Variants in SASH1 observed in about 807,000 individuals in gnomAD.
The protein encoded by SASH1 is SAM and SH3 domain-containing protein 1.
SASH1 carries 44 observed loss-of-function variants against 125.2 expected under a neutral mutation model. That is an observed-to-expected ratio of 0.35 (90% CI 0.28 to 0.45). The LOEUF is 0.45. Among genes scored for constraint, SASH1 ranks in the 20% least tolerant of loss-of-function variants. The pLI is 1.00. For synonymous variants in SASH1, 639 were observed against 649.1 expected, an observed-to-expected ratio of 0.98 and a Z score of 0.24; for missense variants, 1,426 against 1,614.5, an observed-to-expected ratio of 0.88 and a Z score of 2.00.
chr6:148,245,229 G>C, the SASH1 span, among the ~76,000 whole-genome samples: 1 of 152,158 alleles, frequency 6.6e-6, no homozygotes, highest in Admixed American at 6.5e-5. Context: ...GTTCCCAAAT[G>C]ATTGTTTTCC....
At chr6:148,341,335 T>G (rs887396324), upstream of SASH1, among the ~76,000 whole-genome samples, 10 of 149,080 alleles carry the variant, frequency 6.7e-5, no homozygotes, top group African/African-American at 2.0e-4. Flanking sequence ...TTTTTGTTTT[T>G]TTTTTTTTTG....
At chr6:148,330,087 A>T (rs1780946810) in intron 1 of SASH1, among the ~76,000 whole-genome samples, 1 of 152,200 alleles carries the variant, frequency 6.6e-6, no homozygotes, top group Non-Finnish European at 1.5e-5. Flanking sequence ...GTAGTAAAAA[A>T]GGATATCGAA....
chr6:148,496,922 A>G (rs189296844), intron 8 of SASH1, among the ~76,000 whole-genome samples: 154 of 152,244 alleles, frequency 1.0e-3, no homozygotes, highest in African/African-American at 3.5e-3. Context: ...AAAATAATGT[A>G]TACTGATCTT....
upstream of SASH1, among the ~76,000 whole-genome samples, chr6:148,271,946 G>A (rs1268732258): frequency 6.6e-6 from 1 of 152,074 alleles, no homozygotes; most frequent in Non-Finnish European, 1.5e-5. Flanking sequence ...CGGGAGAAAG[G>A]GGCATTTGGA....
intron 2 of SASH1, among the ~76,000 whole-genome samples, chr6:148,403,220 A>G (rs906446699): frequency 2.0e-5 from 3 of 151,826 alleles, no homozygotes; most frequent in African/African-American, 7.3e-5. Context: ...GTAATATGAT[A>G]TCAAAACGCT....
rs544631794 is a variant in SASH1 at position 148,422,380 on chromosome 6, G to A, written c.286-17804G>A. 5.4e-4 allele frequency among the ~76,000 whole-genome samples: 82 copies of A among 152,304 alleles called. 1 individual carries two copies. Among genetic ancestry groups the A allele is most frequent in the African/African-American group, 1.7e-3 (72 of 41,562 alleles). On this transcript the variant is annotated intron_variant, in intron 2 of 19. Coordinates refer to ENST00000367467, the MANE Select transcript of SASH1 (RefSeq NM_015278.5). The stretch of plus-strand genomic sequence containing the variant: ...TTGGTTTCCAGAAAGTGAGTGTTAC[G>A]TGTATACGTCAGTGTGCCACTTTAG...
chr6:148,387,644 C>CCT lies in SASH1; in HGVS notation c.157-2490_157-2489insCT, dbSNP rs1554249428. On this transcript the variant is annotated intron_variant, in intron 1 of 19. Transcript: ENST00000367467. Reference sequence around the variant, plus strand: ...TCTTTCTTTCTTTCTTTCTTTCTTTCTTTCTTTCTTTCTTTCTTTCTTTCT... The same window carrying CCT: ...TCTTTCTTTCTTTCTTTCTTTCTTTCCTTTTCTTTCTTTCTTTCTTTCTTTCT... Among the ~76,000 whole-genome samples, 9 of 44,402 alleles carry CCT rather than the reference C, an allele frequency of 2.0e-4. 1 individual carries two copies. Among genetic ancestry groups the CCT allele is most frequent in the Non-Finnish European group, 4.2e-4 (9 of 21,402 alleles). 29.1% of individuals were successfully genotyped at this position (44,402 alleles called of 152,430 possible). A position where few individuals can be genotyped will look rare whatever the true frequency, so the allele number is the denominator to read the frequency against.
chr6:148,305,641 A>AAAAGAAAG (rs1554232119), intron 1 of SASH1, among the ~76,000 whole-genome samples: 6 of 133,200 alleles, frequency 4.5e-5, no homozygotes, highest in African/African-American at 1.6e-4. Flanking sequence ...AAAAAAAAAA[A>AAAAGAAAG]AAAGAAAGAA....
chr6:148,320,008 T>TG (rs1465658091), intron 1 of SASH1, among the ~76,000 whole-genome samples: 1 of 152,236 alleles, frequency 6.6e-6, no homozygotes, highest in Non-Finnish European at 1.5e-5. Flanking sequence ...ACCCTTATTT[T>TG]GCCTCATGAT....
chr6:148,469,279 T>G (rs1469073883), intron 5 of SASH1, among the ~76,000 whole-genome samples: 1 of 152,212 alleles, frequency 6.6e-6, no homozygotes, highest in Non-Finnish European at 1.5e-5. Context: ...CAATGATGTG[T>G]CATATAATTG....
chr6:148,296,687 A>G (rs1417667941), intron 1 of SASH1, among the ~76,000 whole-genome samples: 1 of 152,130 alleles, frequency 6.6e-6, no homozygotes, highest in Non-Finnish European at 1.5e-5. Flanking sequence ...GTCTCCCTAA[A>G]CTTGTTTATC....
chr6:148,252,892 C>A, the SASH1 span, among the ~76,000 whole-genome samples: 1 of 152,196 alleles, frequency 6.6e-6, no homozygotes, highest in African/African-American at 2.4e-5. Flanking sequence ...TCCTCCCTCA[C>A]AAGGTACCCA....
At chr6:148,515,953 C>T (rs985639183) in intron 9 of SASH1, among the ~76,000 whole-genome samples, 5 of 152,126 alleles carry the variant, frequency 3.3e-5, no homozygotes, top group Admixed American at 2.6e-4. Flanking sequence ...CCCAGTGGGC[C>T]CTTCACACAT....
intron 19 of SASH1, among the ~76,000 whole-genome samples, chr6:148,546,421 T>C (rs1562506390): frequency 1.3e-5 from 2 of 152,260 alleles, no homozygotes; most frequent in East Asian, 3.9e-4. Context: ...GTAATCCTAG[T>C]TACTTGGGAG....
chr6:148,512,015 T>TTATTTATTTATC (rs1314768279), intron 8 of SASH1, among the ~76,000 whole-genome samples: 1 of 151,674 alleles, frequency 6.6e-6, no homozygotes, highest in Non-Finnish European at 1.5e-5. Context: ...ATTTATTTAT[T>TTATTTATTTATC]TATTTATTTA....
chr6:148,399,784 G>A (rs1210105826), intron 2 of SASH1, among the ~76,000 whole-genome samples: 1 of 151,206 alleles, frequency 6.6e-6, no homozygotes, highest in Non-Finnish European at 1.5e-5. Context: ...AGGTATCCAG[G>A]GTTTGGCCAG....
At chr6:148,263,120 G>A in the SASH1 span, among the ~76,000 whole-genome samples, 1 of 152,180 alleles carries the variant, frequency 6.6e-6, no homozygotes, top group South Asian at 2.1e-4. Flanking sequence ...TCCTTGGCAG[G>A]ATCACCCTTA....
At chr6:148,355,054 C>T (rs565724612) in intron 1 of SASH1, among the ~76,000 whole-genome samples, 8 of 152,170 alleles carry the variant, frequency 5.3e-5, no homozygotes, top group African/African-American at 7.2e-5. Flanking sequence ...CCACCGCACC[C>T]GGCCAAACTT....
At chr6:148,474,001 T>C in intron 6 of SASH1, 109 bp from the exon 7 acceptor site, 3 of 714,484 alleles carry the variant, frequency 4.2e-6, no homozygotes, top group Middle Eastern at 2.7e-4. Context: ...ACATACATAG[T>C]GTCCTGAGCA....
Sources: allele counts gnomAD v4.1 joint callset (sites outside exome capture counted in the v4.1 genomes callset), GRCh38; gene constraint gnomAD v4.1.1; transcripts MANE v1.5; gene names NCBI Gene and HGNC (gene_info 2026-07-23, HGNC 2026-07-21).